Variants in AFF1 observed in about 807,000 individuals in gnomAD.
AFF1 encodes the protein ALF transcription elongation factor 1, also known as AF4/FMR2 family member 1.
AFF1 carries 48 observed loss-of-function variants against 121.7 expected under a neutral mutation model. The observed-to-expected ratio is 0.39, with a 90% CI of 0.31 to 0.50. The LOEUF (loss-of-function observed/expected upper bound fraction) is 0.50, where lower values mean the gene tolerates loss of function less well. AFF1 is among the 20% of genes least tolerant of loss of function. AFF1 has a pLI of 0.76. For missense variants in AFF1, 1,523 were observed against 1,511.7 expected (o/e 1.01, Z -0.12); for synonymous variants, 613 against 563.0 (o/e 1.09, Z -1.26).
chr4:86,985,607 C>T (rs1431203969), intron 2 of AFF1, among the ~76,000 whole-genome samples: 5 of 151,574 alleles, frequency 3.3e-5, no homozygotes, highest in South Asian at 2.1e-4. Flanking sequence ...ACCCTTGAAG[C>T]GGAGGTTGCA....
At chr4:87,068,267 C>A (rs1560593742) in intron 4 of AFF1, among the ~76,000 whole-genome samples, 1 of 147,396 alleles carries the variant, frequency 6.8e-6, no homozygotes, top group African/African-American at 2.5e-5. Flanking sequence ...GCCCCCCCCC[C>A]ACTCCATGAA....
intron 2 of AFF1, among the ~76,000 whole-genome samples, chr4:87,033,382 T>C (rs1174657532): frequency 1.3e-5 from 2 of 152,226 alleles, no homozygotes; most frequent in African/African-American, 4.8e-5. Context: ...GTTTTTCTTA[T>C]TGTATGTGGT....
intron 4 of AFF1, among the ~76,000 whole-genome samples, chr4:87,049,097 G>A (rs376102747): frequency 0.046 from 230 of 5,028 alleles, 1 homozygote; most frequent in East Asian, 0.21. Context: ...AAAAAAAAAG[G>A]GGGGGGGGGG....
At chr4:87,117,805 G>A (rs886137435) in intron 12 of AFF1, among the ~76,000 whole-genome samples, 1 of 152,142 alleles carries the variant, frequency 6.6e-6, no homozygotes, top group Non-Finnish European at 1.5e-5. Flanking sequence ...GATGGGAGTT[G>A]TTGAACATAT....
intron 2 of AFF1, among the ~76,000 whole-genome samples, chr4:86,960,235 C>T (rs1722052497): frequency 1.3e-5 from 2 of 152,098 alleles, no homozygotes; most frequent in African/African-American, 4.8e-5. Flanking sequence ...CGCTGTTACC[C>T]AGGATTTACC....
At chr4:86,961,748 G>A (rs149423655) in intron 2 of AFF1, among the ~76,000 whole-genome samples, 112 of 152,080 alleles carry the variant, frequency 7.4e-4, no homozygotes, top group Middle Eastern at 6.8e-3. Context: ...TTTCATCGCC[G>A]TGGTGAGATG....
chr4:86,972,824 G>T (rs1723038169), intron 2 of AFF1, among the ~76,000 whole-genome samples: 1 of 152,186 alleles, frequency 6.6e-6, no homozygotes, highest in Non-Finnish European at 1.5e-5. Context: ...ACAGGCCTGA[G>T]CTAGCACACC....
intron 2 of AFF1, among the ~76,000 whole-genome samples, chr4:86,966,348 A>G (rs1722540713): frequency 2.0e-5 from 3 of 152,072 alleles, no homozygotes. Flanking sequence ...GGCCCTCTCA[A>G]TTTCTCACCA....
At chr4:87,000,714 TCC>T (rs1351985122) in intron 2 of AFF1, among the ~76,000 whole-genome samples, 1 of 151,796 alleles carries the variant, frequency 6.6e-6, no homozygotes, top group African/African-American at 2.4e-5. Flanking sequence ...TAGGCTAATA[TCC>T]CTGATTGATC....
intron 5 of AFF1, among the ~76,000 whole-genome samples, chr4:87,088,702 T>G (rs1011747998): frequency 2.0e-5 from 3 of 152,040 alleles, no homozygotes; most frequent in Non-Finnish European, 4.4e-5. Flanking sequence ...CCTGCCAGGT[T>G]CAAGCCATTC....
At chr4:87,068,526 C>A (rs560121892) in intron 4 of AFF1, among the ~76,000 whole-genome samples, 1 of 152,314 alleles carries the variant, frequency 6.6e-6, no homozygotes, top group Non-Finnish European at 1.5e-5. Context: ...GTCTTCACAT[C>A]CTGGTTTTGC....
intron 2 of AFF1, among the ~76,000 whole-genome samples, chr4:86,979,508 G>GT (rs1297311248): frequency 6.6e-6 from 1 of 152,180 alleles, no homozygotes; most frequent in Non-Finnish European, 1.5e-5. Flanking sequence ...GGGTGGGAGA[G>GT]TTTTTAAATT....
chr4:86,992,786 A>G (rs1036302732), intron 2 of AFF1, among the ~76,000 whole-genome samples: 2 of 152,264 alleles, frequency 1.3e-5, no homozygotes, highest in Non-Finnish European at 2.9e-5. Flanking sequence ...CATGATGTAT[A>G]AAATGACAAG....
At chr4:87,119,425 A>T (rs918538969) in intron 12 of AFF1, among the ~76,000 whole-genome samples, 2 of 151,842 alleles carry the variant, frequency 1.3e-5, no homozygotes, top group South Asian at 2.1e-4. Flanking sequence ...AAAAAAAAAA[A>T]TTAGGCACAG....
At position 87,019,589 on chromosome 4, in the gene AFF1, G is replaced by A. The variant is rs145801635; in HGVS notation, c.39-26577G>A. 4.6e-5 allele frequency among the ~76,000 whole-genome samples: 7 copies of A among 152,304 alleles called. No individual in the cohort carries two copies. The East Asian group carries it at 1.4e-3, about 29-fold the overall frequency. On this transcript the variant is annotated intron_variant, in intron 2 of 20. Transcript: ENST00000395146. ...TGAAGTCTTCATAAAAGGCCCAAGA[G>A]GACTGGGTCTCCAGAGAGCTTCTGG... is the stretch of plus-strand genomic sequence containing the variant.
At chr4:87,126,001 C>G in intron 13 of AFF1, 98 bp from the exon 14 acceptor site, 1 of 1,205,526 alleles carries the variant, frequency 8.3e-7, no homozygotes, top group Non-Finnish European at 1.2e-6. Context: ...TTTGTGATAC[C>G]CTACTCTTTT....
At chr4:87,112,540 C>G (rs572794603) in intron 11 of AFF1, among the ~76,000 whole-genome samples, 1 of 152,358 alleles carries the variant, frequency 6.6e-6, no homozygotes, top group East Asian at 1.9e-4. Context: ...TAAACCCAAA[C>G]TATCTACCTG....
Position 87,035,343 on chromosome 4 carries a change from C to T in AFF1, c.39-10823C>T, listed in dbSNP as rs183776080. On this transcript the variant is annotated intron_variant, in intron 2 of 20. Coordinates refer to ENST00000395146, the MANE Select transcript of AFF1 (RefSeq NM_001166693.3). ...TTGGGAGGCCGAGGAGGGCAGATCA[C>T]GAGGTCAGGAGATCGAGACCATCCT... 3.6e-3 allele frequency among the ~76,000 whole-genome samples: 554 copies of T among 152,096 alleles called. 1 individual carries two copies. Among genetic ancestry groups the T allele is most frequent in the African/African-American group, 0.012 (515 of 41,492 alleles).
At chr4:86,952,065 A>G (rs1299591655) in intron 2 of AFF1, among the ~76,000 whole-genome samples, 1 of 151,680 alleles carries the variant, frequency 6.6e-6, no homozygotes, top group African/African-American at 2.4e-5. Flanking sequence ...CTTTTGCTCC[A>G]TTGATGTGTC....
Sources: allele counts gnomAD v4.1 joint callset (sites outside exome capture counted in the v4.1 genomes callset), GRCh38; gene constraint gnomAD v4.1.1; transcripts MANE v1.5; gene names NCBI Gene and HGNC (gene_info 2026-07-23, HGNC 2026-07-21).